Variants in DPP6 observed in about 807,000 individuals in gnomAD.
The protein encoded by DPP6 is dipeptidyl peptidase like 6.
DPP6 carries 69 observed loss-of-function variants against 122.6 expected under a neutral mutation model. That is an observed-to-expected ratio of 0.56 (90% CI 0.46 to 0.69). The LOEUF (loss-of-function observed/expected upper bound fraction) is 0.69, where lower values mean the gene tolerates loss of function less well. DPP6 is among the 30% of genes least tolerant of loss of function. The pLI is 0.00. For missense variants in DPP6, 928 were observed against 1,116.9 expected (o/e 0.83, Z 2.41); for synonymous variants, 418 against 433.1 (o/e 0.97, Z 0.43).
intron 8 of DPP6, among the ~76,000 whole-genome samples, chr7:154,757,972 C>CCCGCCCTCTCCCCG (rs1233459100): frequency 1.8e-4 from 27 of 152,148 alleles, no homozygotes; most frequent in Admixed American, 7.9e-4. Context: ...CGCTCTCCCC[C>CCCGCCCTCTCCCCG]CCGCCCTCTC....
At chr7:154,054,856 T>A (rs185738065) in intron 1 of DPP6, among the ~76,000 whole-genome samples, 89 of 150,610 alleles carry the variant, frequency 5.9e-4, no homozygotes, top group Admixed American at 5.0e-3. Flanking sequence ...GCTCTAGGTG[T>A]CGCTAGGAGA....
chr7:154,236,836 G>T (rs531175340), intron 1 of DPP6, among the ~76,000 whole-genome samples: 4 of 152,282 alleles, frequency 2.6e-5, no homozygotes, highest in Admixed American at 6.5e-5. Context: ...CCATGGCAGA[G>T]AAATTGGAAA....
At chr7:154,135,276 C>A (rs147861983) in intron 1 of DPP6, among the ~76,000 whole-genome samples, 2 of 149,298 alleles carry the variant, frequency 1.3e-5, no homozygotes, top group Non-Finnish European at 3.0e-5. Context: ...ACATTTCCTC[C>A]GATGGTATAC....
At chr7:153,900,390 G>C (rs928959308) in intron 1 of DPP6, among the ~76,000 whole-genome samples, 6 of 152,110 alleles carry the variant, frequency 3.9e-5, no homozygotes, top group Admixed American at 2.6e-4. Flanking sequence ...AAGGAAAAGA[G>C]GTTTATTTTG....
intron 1 of DPP6, among the ~76,000 whole-genome samples, chr7:154,263,032 G>A (rs189836571): frequency 3.3e-5 from 5 of 152,346 alleles, no homozygotes; most frequent in Non-Finnish European, 5.9e-5. Flanking sequence ...TACTGACTCC[G>A]TAATACTTCA....
chr7:154,024,660 G>A (rs1302475933), intron 1 of DPP6, among the ~76,000 whole-genome samples: 14 of 152,164 alleles, frequency 9.2e-5, no homozygotes, highest in South Asian at 2.1e-4. Context: ...TTTAACGTGC[G>A]TATGTTATGA....
At chr7:153,793,064 C>T in the DPP6 span, among the ~76,000 whole-genome samples, 4 of 152,128 alleles carry the variant, frequency 2.6e-5, no homozygotes, top group African/African-American at 4.8e-5. Flanking sequence ...TCTTTATCAG[C>T]AGCATGAAAA....
chr7:153,848,295 G>A, the DPP6 span, among the ~76,000 whole-genome samples: 2 of 126,578 alleles, frequency 1.6e-5, no homozygotes, highest in Admixed American at 1.9e-4. Context: ...CGCTCCCCGA[G>A]AGAGCAGTCC....
At chr7:154,729,501 C>T (rs1842231216) in intron 8 of DPP6, among the ~76,000 whole-genome samples, 2 of 152,088 alleles carry the variant, frequency 1.3e-5, no homozygotes, top group African/African-American at 2.4e-5. Flanking sequence ...ATAAAATGTA[C>T]ATCAGAAGGA....
At chr7:154,732,088 G>A (rs867957843) in intron 8 of DPP6, among the ~76,000 whole-genome samples, 1 of 151,920 alleles carries the variant, frequency 6.6e-6, no homozygotes. Context: ...ACCCAGGCTG[G>A]AGTGTAGTGG....
intron 4 of DPP6, among the ~76,000 whole-genome samples, chr7:154,550,588 G>C (rs1829551083): frequency 2.6e-5 from 4 of 152,066 alleles, no homozygotes; most frequent in Admixed American, 6.5e-5. Context: ...ATGTGAACTT[G>C]GGAAATATTT....
At chr7:154,730,007 G>A (rs576082668) in intron 8 of DPP6, among the ~76,000 whole-genome samples, 24 of 152,326 alleles carry the variant, frequency 1.6e-4, no homozygotes, top group African/African-American at 3.4e-4. Flanking sequence ...GGGAAGCTCC[G>A]GAGGGGCTGC....
the DPP6 span, among the ~76,000 whole-genome samples, chr7:153,825,137 A>G: frequency 7.2e-5 from 11 of 152,162 alleles, no homozygotes; most frequent in Non-Finnish European, 1.6e-4. Flanking sequence ...TCTAAACCTC[A>G]AGGTCCTAAA....
chr7:154,771,778 CT>C (rs1439898402), intron 9 of DPP6, among the ~76,000 whole-genome samples: 3 of 152,202 alleles, frequency 2.0e-5, no homozygotes, highest in Non-Finnish European at 4.4e-5. Flanking sequence ...TATTTCACTC[CT>C]TTTTCAGCTA....
intron 1 of DPP6, among the ~76,000 whole-genome samples, chr7:154,216,401 T>C (rs1336405406): frequency 1.3e-5 from 2 of 152,120 alleles, no homozygotes; most frequent in African/African-American, 2.4e-5. Context: ...CATGTAGCCA[T>C]CATAACATAG....
intron 8 of DPP6, among the ~76,000 whole-genome samples, chr7:154,736,499 C>T (rs1298364046): frequency 6.6e-6 from 1 of 152,188 alleles, no homozygotes; most frequent in African/African-American, 2.4e-5. Flanking sequence ...AAACACAAAA[C>T]CAATTCTTAG....
intron 1 of DPP6, among the ~76,000 whole-genome samples, chr7:154,147,472 TCCTTCCTTCCTTCCTTC>T (rs1384854057): frequency 4.6e-4 from 65 of 141,578 alleles, no homozygotes; most frequent in African/African-American, 1.8e-3. Context: ...CTTCCTTCCT[TCCTTCCTTCCTTCCTTC>T]CTTTCTTTTT....
At chr7:154,324,759 C>T (rs539052892) in intron 1 of DPP6, among the ~76,000 whole-genome samples, 6 of 152,160 alleles carry the variant, frequency 3.9e-5, no homozygotes, top group South Asian at 4.2e-4. Flanking sequence ...AGGCATCCCT[C>T]GGCCCTTTCA....
chr7:154,033,336 C>G (rs974339004), intron 1 of DPP6, among the ~76,000 whole-genome samples: 1 of 152,232 alleles, frequency 6.6e-6, no homozygotes, highest in Non-Finnish European at 1.5e-5. Context: ...CTTTCTTTCT[C>G]TCTCTTTTCC....
Sources: allele counts gnomAD v4.1 joint callset (sites outside exome capture counted in the v4.1 genomes callset), GRCh38; gene constraint gnomAD v4.1.1; transcripts MANE v1.5; gene names NCBI Gene and HGNC (gene_info 2026-07-23, HGNC 2026-07-21).